Variants in EIF2D observed in about 807,000 individuals in gnomAD.
EIF2D encodes eukaryotic translation initiation factor 2D.
A neutral mutation model predicts 77.4 loss-of-function variants in EIF2D; 56 were observed. That is an observed-to-expected ratio of 0.72 (90% CI 0.58 to 0.90). The LOEUF (loss-of-function observed/expected upper bound fraction) is 0.90, where lower values mean the gene tolerates loss of function less well. Among genes scored for constraint, EIF2D ranks in the 40% least tolerant of loss-of-function variants. The pLI, the probability that EIF2D is intolerant of heterozygous loss-of-function variation, is 0.00. For synonymous variants in EIF2D, 230 were observed against 271.0 expected (o/e 0.85, Z 1.49); for missense variants, 574 against 706.5 (o/e 0.81, Z 2.13).
In EIF2D at chr1:206,599,904, TGCCAGA is replaced by T; in HGVS notation, c.949-74_949-69del. The T allele has an allele frequency of 1.4e-6, 2 of 1,478,456 alleles. No homozygotes were observed. Among genetic ancestry groups the T allele is most frequent in the Non-Finnish European group, 1.9e-6 (2 of 1,063,690 alleles). The allele number at this position is 1,478,456 out of a possible 1,614,324, so 91.6% of individuals were successfully genotyped here. A position where few individuals can be genotyped will look rare whatever the true frequency, so the allele number is the denominator to read the frequency against. ...ACACACATACTGAGCACCCAGGATG[TGCCAGA>T]GTGAGCTAGGCAGGGACTGTGCAGG... is the stretch of plus-strand genomic sequence containing the variant. On this transcript the variant is annotated intron_variant, in intron 8 of 14. Coordinates refer to ENST00000271764, the MANE Select transcript of EIF2D (RefSeq NM_006893.3). This position sits in a 1 kb window ranked among gnomAD's most constrained non-coding sequence, Gnocchi z 4.1.
At chr1:206,603,523 A>G (rs1175974522) in intron 5 of EIF2D, 1 of 249,918 alleles carries the variant, frequency 4.0e-6, no homozygotes, top group African/African-American at 2.2e-5. Context: ...TAAACTCCCA[A>G]AAATGTTCCC....
At chr1:206,585,490 A>G (rs990399776) in intron 2 of EIF2D, 5 of 519,872 alleles carry the variant, frequency 9.6e-6, no homozygotes, top group Non-Finnish European at 1.7e-5. Context: ...ACCCTGGGGT[A>G]GCACATTAGG....
Position 206,583,297 on chromosome 1 carries a change from A to G in EIF2D, c.139-2135T>C, listed in dbSNP as rs1668968006. The G allele has an allele frequency of 1.9e-6, 3 of 1,613,590 alleles. No homozygotes were observed. In the East Asian group the frequency reaches 6.7e-5, roughly 36 times the overall value. Reference sequence around the variant, plus strand: ...GTCTGTAAACCTGTGGAGGAGACACAGCGCCCGCCCACACTGCAGGAGATC... The same window carrying G: ...GTCTGTAAACCTGTGGAGGAGACACGGCGCCCGCCCACACTGCAGGAGATC... On this transcript the variant is annotated intron_variant and NMD_transcript_variant, in intron 2 of 5. Transcript: ENST00000472709.
intron 13 of EIF2D, 104 bp from the exon 14 acceptor site, chr1:206,593,897 G>T: frequency 9.8e-7 from 1 of 1,023,800 alleles, no homozygotes; most frequent in South Asian, 1.8e-5. Context: ...TGTGTTCTCT[G>T]ATGGTTCACC....
In EIF2D at chr1:206,592,343, A is replaced by T. The variant is rs1380563248; in HGVS notation, c.1685-498T>A. ...AGCCAAGCTGCAGACATTAACCGGAAATATAAACACAATTGGAAAGTGCTA... is the reference window on the plus strand; with the variant it reads ...AGCCAAGCTGCAGACATTAACCGGATATATAAACACAATTGGAAAGTGCTA... On this transcript the variant is annotated intron_variant, in intron 14 of 14. Coordinates refer to ENST00000271764, the MANE Select transcript of EIF2D (RefSeq NM_006893.3). The surrounding 1 kb of genome is among the most constrained non-coding windows in gnomAD (Gnocchi z 4.7). Among the ~76,000 whole-genome samples, 1 of 152,262 alleles carries T rather than the reference A, an allele frequency of 6.6e-6. No individual in the cohort carries two copies. Among genetic ancestry groups the T allele is most frequent in the Non-Finnish European group, 1.5e-5 (1 of 68,038 alleles).
intron 6 of EIF2D, 57 bp downstream of exon 6, chr1:206,602,894 G>A (rs1336921195): frequency 8.2e-6 from 13 of 1,588,674 alleles, no homozygotes; most frequent in East Asian, 2.2e-5. Context: ...AGTGGAGTTC[G>A]TCAGGCTCCT....
rs781784569 is a variant in EIF2D at position 206,602,946 on chromosome 1, T to G, written c.784+5A>C. 5.6e-6 allele frequency: 9 copies of G among 1,613,886 alleles called. No homozygotes were observed. The African/African-American group carries it at 1.2e-4, about 22-fold the overall frequency. ...AGATGGGCTCTTCTCCTCCTAGAGT[T>G]ATACCTTGAAGCGTTTTGCTATCTG... On this transcript the variant is annotated splice_donor_5th_base_variant and intron_variant, in intron 6 of 14. Transcript: ENST00000271764.
Position 206,584,754 on chromosome 1 carries a change from C to A in EIF2D, c.139-3592G>T, listed in dbSNP as rs1553407232. On this transcript the variant is annotated intron_variant and NMD_transcript_variant, in intron 2 of 5. Transcript: ENST00000472709. This position sits in a 1 kb window ranked among gnomAD's most constrained non-coding sequence, Gnocchi z 4.9. ...GTGTCCAAGCCCACCCACTAAAACT[C>A]CTGCCGGCCTTGGGTGGGAGCTGTG... The A allele has an allele frequency of 6.5e-7, 1 of 1,545,434 alleles. No individual in the cohort carries two copies. Among genetic ancestry groups the A allele is most frequent in the South Asian group, 1.2e-5 (1 of 86,104 alleles).
At chr1:206,611,502 C>T in intron 1 of EIF2D, 128 bp from the exon 2 acceptor site, 1 of 681,492 alleles carries the variant, frequency 1.5e-6, no homozygotes, top group South Asian at 2.0e-5. Flanking sequence ...TTATGATGTC[C>T]TAGTCTCACA....
At chr1:206,581,435 T>C (rs1333557281) in intron 2 of EIF2D, among the ~76,000 whole-genome samples, 5 of 151,846 alleles carry the variant, frequency 3.3e-5, no homozygotes, top group Middle Eastern at 3.2e-3. Context: ...CCGTCTCTAC[T>C]AAAAAATACA....
At chr1:206,587,401 T>C (rs1553407919), downstream of EIF2D, 1 of 268,628 alleles carries the variant, frequency 3.7e-6, no homozygotes, top group African/African-American at 2.3e-5. Context: ...AGGACCATTA[T>C]TTATGAGTGA....
chr1:206,569,970 T>C (rs1668396258), downstream of EIF2D, among the ~76,000 whole-genome samples: 1 of 151,842 alleles, frequency 6.6e-6, no homozygotes, highest in Non-Finnish European at 1.5e-5. Context: ...TAAGGGAAGC[T>C]CCCAACTCTA....
intron 5 of EIF2D, 84 bp from the exon 6 acceptor site, chr1:206,603,288 A>G: frequency 5.2e-6 from 8 of 1,533,144 alleles, no homozygotes; most frequent in Non-Finnish European, 7.0e-6. Context: ...CAGTGAGGTC[A>G]GAGACAGCAG....
At chr1:206,591,535 A>G (rs1669337317), downstream of EIF2D, 1 of 557,398 alleles carries the variant, frequency 1.8e-6, no homozygotes, top group East Asian at 3.0e-5. Context: ...TTGAAACCAC[A>G]TGGACAGAAT....
Position 206,600,278 on chromosome 1 carries a change from C to T in EIF2D, c.933G>A (p.Lys311=), listed in dbSNP as rs782290554. 5.6e-6 allele frequency: 9 copies of T among 1,613,896 alleles called. No individual in the cohort carries two copies. In the East Asian group the frequency reaches 2.0e-4, roughly 36 times the overall value. ...CCTTGCTTACCTTTTTGTAGCTTGA[C>T]TTCTTTATGTCCAGTTGTCGTCCTT... is the stretch of plus-strand genomic sequence containing the variant. The part of the protein sequence containing the change: ...CPEGRQLDIK[K]SSYKKLSKFL... The change falls in exon 8 of 15, where the codon AAG becomes AAA. Residue 311 remains lysine, a synonymous_variant. Coordinates refer to ENST00000271764, the MANE Select transcript of EIF2D (RefSeq NM_006893.3).
At chr1:206,597,259 T>G in intron 11 of EIF2D, 64 bp from the exon 12 acceptor site, 1 of 1,222,690 alleles carries the variant, frequency 8.2e-7, no homozygotes. Context: ...GAAGGCTAAT[T>G]CAGGATTCAT....
At chr1:206,601,172 G>C (rs1302867872) in intron 7 of EIF2D, 1 of 152,166 alleles carries the variant, frequency 6.6e-6, no homozygotes, top group East Asian at 1.9e-4. Context: ...ACACACTCCA[G>C]ACACCACATT....
chr1:206,603,927 T>C (rs1670055072), intron 5 of EIF2D, among the ~76,000 whole-genome samples: 2 of 152,152 alleles, frequency 1.3e-5, no homozygotes, highest in Non-Finnish European at 2.9e-5. Context: ...TAGGCTATTC[T>C]GATCAGGTAA....
At chr1:206,610,686 T>A (rs1553413728) in intron 2 of EIF2D, among the ~76,000 whole-genome samples, 1 of 152,050 alleles carries the variant, frequency 6.6e-6, no homozygotes, top group East Asian at 1.9e-4. Flanking sequence ...CAAGGTGTGG[T>A]GGCGGGTGCC....
Sources: allele counts gnomAD v4.1 joint callset (sites outside exome capture counted in the v4.1 genomes callset), GRCh38; gene constraint gnomAD v4.1.1; non-coding constraint Gnocchi (gnomAD v3.1); transcripts MANE v1.5; gene names NCBI Gene and HGNC (gene_info 2026-07-23, HGNC 2026-07-21).